KCNJ16: variants seen among roughly 807,000 people sequenced by gnomAD.
KCNJ16 encodes potassium inwardly rectifying channel subfamily J member 16.
In KCNJ16, 15 loss-of-function variants were observed where a neutral mutation model predicts 18.5. The observed-to-expected ratio is 0.81, with a 90% CI of 0.54 to 1.25. The LOEUF (loss-of-function observed/expected upper bound fraction) is 1.25, where lower values mean the gene tolerates loss of function less well. KCNJ16 is among the 50% of genes most tolerant of loss of function. The pLI, the probability that KCNJ16 is intolerant of heterozygous loss-of-function variation, is 0.00. For synonymous variants in KCNJ16, 174 were observed against 186.5 expected, an observed-to-expected ratio of 0.93 and a Z score of 0.55; for missense variants, 523 against 525.7, an observed-to-expected ratio of 0.99 and a Z score of 0.05.
At chr17:70,077,784 CT>C (rs2071380035) in intron 1 of KCNJ16, among the ~76,000 whole-genome samples, 1 of 150,944 alleles carries the variant, frequency 6.6e-6, no homozygotes, top group Admixed American at 6.6e-5. Context: ...AAGGGCTCAT[CT>C]TCTGAGATGT....
At chr17:70,083,303 ATATG>A (rs1333050428) in intron 1 of KCNJ16, among the ~76,000 whole-genome samples, 57 of 149,520 alleles carry the variant, frequency 3.8e-4, no homozygotes, top group Non-Finnish European at 7.0e-4. Context: ...TATATGATAT[ATATG>A]TATTAGATAT....
At chr17:70,103,284 A>ATGTGTGTGTGTGTGTG (rs1426685277) in intron 2 of KCNJ16, among the ~76,000 whole-genome samples, 2 of 15,212 alleles carry the variant, frequency 1.3e-4, no homozygotes, top group Non-Finnish European at 2.6e-4. Context: ...TAATATGCAT[A>ATGTGTGTGTGTGTGTG]TATGTGTGTG....
At chr17:70,086,220 A>G (rs1305117503) in intron 1 of KCNJ16, among the ~76,000 whole-genome samples, 2 of 152,232 alleles carry the variant, frequency 1.3e-5, no homozygotes, top group Non-Finnish European at 1.5e-5. Flanking sequence ...AAGTGAAGCA[A>G]TCTTAACTTT....
chr17:70,097,799 C>CCT (rs1174648409), intron 1 of KCNJ16, among the ~76,000 whole-genome samples: 2 of 152,040 alleles, frequency 1.3e-5, no homozygotes, highest in African/African-American at 4.8e-5. Context: ...CTACTCTGCT[C>CCT]CTTCACCTCC....
At chr17:70,102,445 C>T (rs1232676810) in intron 2 of KCNJ16, among the ~76,000 whole-genome samples, 3 of 150,976 alleles carry the variant, frequency 2.0e-5, no homozygotes, top group Non-Finnish European at 2.9e-5. Flanking sequence ...CCAGGCTGGT[C>T]TCCAACTCCT....
rs1252591195 is a variant in KCNJ16, at chr17:70,097,953, A to G, written c.-299-2705A>G. 2.6e-5 allele frequency among the ~76,000 whole-genome samples: 4 copies of G among 152,220 alleles called. 1 individual carries two copies. The highest frequency in any genetic ancestry group is 5.9e-5 in the Non-Finnish European group (4 of 68,040). On this transcript the variant is annotated intron_variant, in intron 1 of 3. Transcript: ENST00000392671. ...CTCAACACTAGAGCCAGAATCTTAA[A>G]TACAGATCTTCAGTGTTTTATCTTT...
rs2074188393 is a variant in KCNJ16 at position 70,135,368 on chromosome 17, T to C, written c.*2024T>C. On this transcript the variant is annotated 3_prime_UTR_variant, in exon 4 of 4. Transcript: ENST00000392671. ...CTAGTTTCATTTCATCTTGCTTTGC[T>C]TTGTTGACTCTGCTACCGCTGATGT... 6.0e-6 allele frequency: 1 copy of C among 167,094 alleles called. No homozygotes were observed. Among genetic ancestry groups the C allele is most frequent in the African/African-American group, 2.4e-5 (1 of 41,460 alleles). 10.4% of individuals were successfully genotyped at this position (167,094 alleles called of 1,614,324 possible).
At chr17:70,096,911 TCAGAAGTG>T in intron 1 of KCNJ16, 1 of 398,294 alleles carries the variant, frequency 2.5e-6, no homozygotes, top group Non-Finnish European at 4.4e-6. Context: ...ATATGATACT[TCAGAAGTG>T]CAGAAAGGTA....
chr17:70,123,460 C>T (rs543564498), intron 2 of KCNJ16, among the ~76,000 whole-genome samples: 2 of 152,218 alleles, frequency 1.3e-5, no homozygotes, highest in African/African-American at 4.8e-5. Flanking sequence ...ATAGCTTGGA[C>T]ATATATCTCT....
rs141375723 is a variant in KCNJ16, at chr17:70,083,673, T to C, written c.-300+8283T>C. 1.4e-4 allele frequency among the ~76,000 whole-genome samples: 22 copies of C among 152,266 alleles called. No individual in the cohort carries two copies. The East Asian group carries it at 4.1e-3, about 28-fold the overall frequency. ...TACACTCTATGATGTTAAAACAACA[T>C]CAAAATTGCCTAATGATGCATTTGA... On this transcript the variant is annotated intron_variant, in intron 1 of 3. Transcript: ENST00000392671.
chr17:70,127,760 CT>C (rs746388155), intron 2 of KCNJ16, among the ~76,000 whole-genome samples: 10 of 152,286 alleles, frequency 6.6e-5, no homozygotes, highest in Middle Eastern at 3.4e-3. Context: ...CTTATCTCAT[CT>C]TATAGTTGTC....
Position 70,133,369 on chromosome 17 carries a change from A to G in KCNJ16, c.*25A>G. 1.3e-6 allele frequency: 2 copies of G among 1,572,590 alleles called. No individual in the cohort carries two copies. The highest frequency in any genetic ancestry group is 1.7e-6 in the Non-Finnish European group (2 of 1,155,662). Reference sequence around the variant, plus strand: ...GTCCTAAATTGCAATTATGAGGGCTACCACTGAATCATTTTATCTTTCAGC... The same window carrying G: ...GTCCTAAATTGCAATTATGAGGGCTGCCACTGAATCATTTTATCTTTCAGC... On this transcript the variant is annotated 3_prime_UTR_variant, in exon 4 of 4. Coordinates refer to ENST00000392671, the MANE Select transcript of KCNJ16 (RefSeq NM_170741.4).
At chr17:70,127,402 G>A (rs9902217) in intron 2 of KCNJ16, among the ~76,000 whole-genome samples, 8,360 of 151,910 alleles carry the variant, frequency 0.055, 786 homozygotes, top group African/African-American at 0.19. Flanking sequence ...TGTCTTAGGA[G>A]GATTCCAGGC....
intron 1 of KCNJ16, among the ~76,000 whole-genome samples, chr17:70,083,150 G>A (rs2071626026): frequency 2.0e-5 from 3 of 150,218 alleles, no homozygotes; most frequent in African/African-American, 7.3e-5. Context: ...CACCTCCCAG[G>A]TTCAAGCAAT....
chr17:70,121,092 C>G (rs9897584), intron 2 of KCNJ16, among the ~76,000 whole-genome samples: 45,700 of 151,942 alleles, frequency 0.3, 7,646 homozygotes, highest in African/African-American at 0.46. Context: ...TGAACTTCCA[C>G]TTACCCCTTC....
rs369663472 is a variant in KCNJ16, at chr17:70,104,675, A to G, written c.-191+3909A>G. ...ATGTGTGGCCACTTTTGTGATATGG[A>G]AAGATTTTTATTATTATATAAGCTT... is the stretch of plus-strand genomic sequence containing the variant. On this transcript the variant is annotated intron_variant, in intron 2 of 3. Transcript: ENST00000392671. Among the ~76,000 whole-genome samples, 35 of 152,332 alleles carry G rather than the reference A, an allele frequency of 2.3e-4. No homozygotes were observed. In the South Asian group the frequency reaches 3.5e-3, roughly 15 times the overall value.
intron 1 of KCNJ16, among the ~76,000 whole-genome samples, chr17:70,097,821 T>C (rs1299990535): frequency 3.3e-5 from 5 of 152,136 alleles, no homozygotes; most frequent in Admixed American, 6.5e-5. Context: ...TTTTCTTCTC[T>C]TTCCTTCATT....
At chr17:70,078,577 T>A (rs1248231345) in intron 1 of KCNJ16, among the ~76,000 whole-genome samples, 1 of 152,184 alleles carries the variant, frequency 6.6e-6, no homozygotes, top group African/African-American at 2.4e-5. Flanking sequence ...AAAAACACTC[T>A]TGTTTTGGTA....
chr17:70,110,252 C>T (rs1013472013), intron 2 of KCNJ16, among the ~76,000 whole-genome samples: 2 of 152,126 alleles, frequency 1.3e-5, no homozygotes, highest in African/African-American at 4.8e-5. Context: ...TTCTGTACCC[C>T]TATCCTTCCC....
Sources: gnomAD v4.1 joint callset for allele counts (sites outside exome capture counted in the v4.1 genomes callset) on GRCh38, gnomAD v4.1.1 for gene constraint, MANE v1.5 for transcripts, NCBI Gene and HGNC (gene_info 2026-07-23, HGNC 2026-07-21) for gene names.